Variants in ANKFY1 observed in about 807,000 individuals in gnomAD.
ANKFY1 encodes the protein ankyrin repeat and FYVE domain-containing protein 1.
ANKFY1 carries 47 observed loss-of-function variants against 128.3 expected under a neutral mutation model. The ratio of observed to expected loss-of-function variants is 0.37; its 90% CI spans 0.29 to 0.47. ANKFY1 has a LOEUF of 0.47. ANKFY1 is among the 20% of genes least tolerant of loss of function. The pLI, the probability that ANKFY1 is intolerant of heterozygous loss-of-function variation, is 1.00. For synonymous variants in ANKFY1, 553 were observed against 601.6 expected, an observed-to-expected ratio of 0.92 and a Z score of 1.18; for missense variants, 1,222 against 1,510.6, an observed-to-expected ratio of 0.81 and a Z score of 3.17.
In ANKFY1 at chr17:4,195,477, GGATCCAAAA is replaced by G. The variant is rs769484312; in HGVS notation, c.1104-15_1104-7del. 6 of 1,613,642 alleles carry G rather than the reference GGATCCAAAA, an allele frequency of 3.7e-6. No individual in the cohort carries two copies. Among genetic ancestry groups the G allele is most frequent in the Non-Finnish European group, 5.1e-6 (6 of 1,179,628 alleles). On this transcript the variant is annotated splice_polypyrimidine_tract_variant and splice_region_variant and intron_variant, in intron 8 of 24. Coordinates refer to ENST00000341657, the MANE Select transcript of ANKFY1 (RefSeq NM_001330063.2). ...TGGACACATGTAAAGGAGTCCTGCGGGATCCAAAAGAAGAGGGGTCAGTTCAGGACAGGC... is the reference window on the plus strand; with the variant it reads ...TGGACACATGTAAAGGAGTCCTGCGGGAAGAGGGGTCAGTTCAGGACAGGC...
At chr17:4,193,895 G>A (rs958754333) in intron 10 of ANKFY1, among the ~76,000 whole-genome samples, 9 of 150,776 alleles carry the variant, frequency 6.0e-5, no homozygotes, top group African/African-American at 1.9e-4. Context: ...GAGTAGCTGG[G>A]ATTACAGTGC....
intron 1 of ANKFY1, chr17:4,249,211 C>T (rs1567977935): frequency 1.4e-6 from 1 of 693,060 alleles, no homozygotes; most frequent in East Asian, 1.3e-4. Context: ...ATATTTTAGG[C>T]TTTGGGAGCC....
chr17:4,249,131 A>C, intron 1 of ANKFY1: 1 of 985,264 alleles, frequency 1.0e-6, no homozygotes, highest in Non-Finnish European at 1.2e-6. Context: ...AGAAACCAAG[A>C]ATGATTTTTA....
chr17:4,194,311 A>T (rs2059777113), intron 10 of ANKFY1: 1 of 150,678 alleles, frequency 6.6e-6, no homozygotes, highest in South Asian at 2.1e-4. Context: ...CAGTCTCTAA[A>T]GGGGCCACCC....
Position 4,182,358 on chromosome 17 carries a change from A to G in ANKFY1, c.1953-9T>C. On this transcript the variant is annotated splice_polypyrimidine_tract_variant and intron_variant, in intron 14 of 24. Coordinates refer to ENST00000341657, the MANE Select transcript of ANKFY1 (RefSeq NM_001330063.2). ...TCTCCCCGTCCTGAGTCCTGCTAGG[A>G]CATGCACACCCAAACCAACGTTTGT... is the stretch of plus-strand genomic sequence containing the variant. The G allele has an allele frequency of 6.5e-7, 1 of 1,539,154 alleles. No individual in the cohort carries two copies. Among genetic ancestry groups the G allele is most frequent in the Non-Finnish European group, 8.8e-7 (1 of 1,134,488 alleles).
At chr17:4,192,058 G>T (rs111649391) in intron 10 of ANKFY1, among the ~76,000 whole-genome samples, 1 of 54,248 alleles carries the variant, frequency 1.8e-5, no homozygotes, top group Non-Finnish European at 4.2e-5. Context: ...CCTAGTTGAT[G>T]GTTGCTCTAA....
intron 17 of ANKFY1, 107 bp from the exon 18 acceptor site, chr17:4,179,164 A>G (rs907920750): frequency 3.3e-6 from 4 of 1,199,222 alleles, no homozygotes; most frequent in African/African-American, 1.5e-5. Context: ...GAATCGATCA[A>G]TACTACCACC....
At position 4,178,343 on chromosome 17, in the gene ANKFY1, C is replaced by T. The variant is rs550155482; in HGVS notation, c.2598+514G>A. 196 of 167,282 alleles carry T rather than the reference C, an allele frequency of 1.2e-3. No individual in the cohort carries two copies. Among genetic ancestry groups the T allele is most frequent in the Non-Finnish European group, 1.8e-3 (136 of 75,486 alleles). 10.4% of individuals were successfully genotyped at this position (167,282 alleles called of 1,614,324 possible). A position where few individuals can be genotyped will look rare whatever the true frequency, so the allele number is the denominator to read the frequency against. On this transcript the variant is annotated intron_variant, in intron 18 of 24. Coordinates refer to ENST00000341657, the MANE Select transcript of ANKFY1 (RefSeq NM_001330063.2). The surrounding 1 kb of genome is among the most constrained non-coding windows in gnomAD (Gnocchi z 4.1). ...CAGGACTGACCTGATAAACCCACCCCCTCCTACTCAGATCAGTTGTGATTG... is the reference window on the plus strand; with the variant it reads ...CAGGACTGACCTGATAAACCCACCCTCTCCTACTCAGATCAGTTGTGATTG...
intron 17 of ANKFY1, chr17:4,179,512 A>AAACAATCTTC: frequency 3.2e-6 from 2 of 634,702 alleles, no homozygotes; most frequent in East Asian, 5.5e-5. Flanking sequence ...AAAGAGAAAG[A>AAACAATCTTC]GCTGAAACAA....
chr17:4,235,937 C>G lies in ANKFY1; in HGVS notation c.204-47G>C, dbSNP rs1302224643. On this transcript the variant is annotated intron_variant, in intron 2 of 24. Coordinates refer to ENST00000341657, the MANE Select transcript of ANKFY1 (RefSeq NM_001330063.2). Reference sequence around the variant, plus strand: ...ATATATTAGAAAAATGTCATCATAACTAGGTATAGCTAGGATTCACAGCTG... The same window carrying G: ...ATATATTAGAAAAATGTCATCATAAGTAGGTATAGCTAGGATTCACAGCTG... 8 of 1,318,152 alleles carry G rather than the reference C, an allele frequency of 6.1e-6. No individual in the cohort carries two copies. The South Asian group carries it at 8.3e-5, about 14-fold the overall frequency. 81.7% of individuals were successfully genotyped at this position (1,318,152 alleles called of 1,614,324 possible).
intron 16 of ANKFY1, chr17:4,180,544 A>C (rs1248929226): frequency 6.6e-6 from 1 of 152,186 alleles, no homozygotes; most frequent in Admixed American, 6.6e-5. Context: ...CGGGTGGATC[A>C]TGAGGTCAGG....
intron 11 of ANKFY1, chr17:4,188,598 A>G (rs1208063260): frequency 6.6e-6 from 1 of 152,258 alleles, no homozygotes; most frequent in Admixed American, 6.5e-5. Context: ...TGCTAGCAGA[A>G]AGTGACCGTA....
At position 4,208,068 on chromosome 17, in the gene ANKFY1, C is replaced by T; in HGVS notation, c.597G>A (p.Lys199=). Residue 199 remains lysine, a synonymous_variant, in exon 6 of 25, where the codon AAG becomes AAA. Coordinates refer to ENST00000341657, the MANE Select transcript of ANKFY1 (RefSeq NM_001330063.2). ...IIASHWDDLR[K]EDFSSMSAQL... ...GAGCGCTCATGCTGCTGAAATCCTC[C>T]TTCCTCAGGTCGTCCTGAGAATTCA... is the stretch of plus-strand genomic sequence containing the variant. The T allele has an allele frequency of 6.2e-7, 1 of 1,606,472 alleles. No homozygotes were observed. Among genetic ancestry groups the T allele is most frequent in the Non-Finnish European group, 8.5e-7 (1 of 1,177,010 alleles).
intron 21 of ANKFY1, 151 bp from the exon 22 acceptor site, chr17:4,172,831 A>G: frequency 8.7e-7 from 1 of 1,152,806 alleles, no homozygotes; most frequent in East Asian, 2.6e-5. Context: ...TTTGTATTTT[A>G]CTGTAACCTA....
Position 4,179,705 on chromosome 17 carries a change from A to C in ANKFY1, c.2397+16T>G. 1 of 1,612,652 alleles carries C rather than the reference A, an allele frequency of 6.2e-7. No homozygotes were observed. On this transcript the variant is annotated intron_variant, in intron 17 of 24. Transcript: ENST00000341657. ...TGGGGCTACACCTCTCTCCCCGGAA[A>C]AGAGAAACGACACACCTGTGCGTTC...
Position 4,242,282 on chromosome 17 carries a change from T to C in ANKFY1, c.177A>G (p.Ala59=), listed in dbSNP as rs753307735. The C allele has an allele frequency of 2.3e-5, 37 of 1,591,918 alleles. No homozygotes were observed. In the South Asian group the frequency reaches 2.4e-4, roughly 10 times the overall value. ...TGTACTGCTCCTGCTCGTAGAGGTC[T>C]GCCACGATGGCCAGCAGACGGCTGA... The part of the protein sequence containing the change: ...SFISRLLAIV[A]DLYEQEQYSD... The change falls in exon 2 of 25, where the codon GCA becomes GCG. Residue 59 remains alanine, a synonymous_variant. Coordinates refer to ENST00000341657, the MANE Select transcript of ANKFY1 (RefSeq NM_001330063.2).
chr17:4,234,079 G>C (rs982840744), intron 3 of ANKFY1, among the ~76,000 whole-genome samples: 2 of 152,092 alleles, frequency 1.3e-5, no homozygotes, highest in African/African-American at 2.4e-5. Flanking sequence ...ATTCAGCACA[G>C]TAACATGCTG....
chr17:4,198,112 A>G (rs1226164343), intron 7 of ANKFY1, among the ~76,000 whole-genome samples: 1 of 151,510 alleles, frequency 6.6e-6, no homozygotes, highest in Non-Finnish European at 1.5e-5. Flanking sequence ...CTGGGGATTA[A>G]GAGCAAAACT....
chr17:4,192,229 C>G (rs369965160), intron 10 of ANKFY1, among the ~76,000 whole-genome samples: 1 of 149,044 alleles, frequency 6.7e-6, no homozygotes, highest in South Asian at 2.2e-4. Context: ...TCTGGAGACT[C>G]CTAGTTGATG....
Sources: allele counts gnomAD v4.1 joint callset (sites outside exome capture counted in the v4.1 genomes callset), GRCh38; gene constraint gnomAD v4.1.1; non-coding constraint Gnocchi (gnomAD v3.1); transcripts MANE v1.5; gene names NCBI Gene and HGNC (gene_info 2026-07-23, HGNC 2026-07-21).